Variants in ZNF26 observed in about 807,000 individuals in gnomAD.
ZNF26 encodes the protein zinc finger protein 26, also known as epididymis luminal protein 179.
A neutral mutation model predicts 54.9 loss-of-function variants in ZNF26; 32 were observed. That is an observed-to-expected ratio of 0.58 (90% CI 0.44 to 0.78). ZNF26 has a LOEUF of 0.78. Ranked by LOEUF, ZNF26 falls within the 30% of genes least tolerant of loss-of-function variation. The probability of loss-of-function intolerance (pLI) is 0.00; values close to 1 mark genes in which losing one functional copy is unlikely to be tolerated. For synonymous variants in ZNF26, 221 were observed against 209.2 expected (o/e 1.06, Z -0.49); for missense variants, 524 against 634.0 (o/e 0.83, Z 1.86).
At position 132,986,548 on chromosome 12, in the gene ZNF26, G is replaced by C. The variant is rs1484296246; in HGVS notation, c.-293G>C. ...ACCAGCTAAACACTTCCGTCGGTCC[G>C]GGGCGTGGACGGGGCCAGATCAGCC... On this transcript the variant is annotated 5_prime_UTR_variant, in exon 1 of 4. Transcript: ENST00000328654. The C allele has an allele frequency of 1.9e-6, 1 of 528,298 alleles. No homozygotes were observed. The highest frequency in any genetic ancestry group is 3.4e-6 in the Non-Finnish European group (1 of 292,754). The allele number at this position is 528,298 out of a possible 1,614,324, so 32.7% of individuals were successfully genotyped here. A position where few individuals can be genotyped will look rare whatever the true frequency, so the allele number is the denominator to read the frequency against.
rs1223984920 is a variant in ZNF26, at chr12:133,012,042, A to G, written c.*561A>G. On this transcript the variant is annotated 3_prime_UTR_variant, in exon 4 of 4. Transcript: ENST00000328654. ...TTTTTTAATGTAACTTGTTCTATCT[A>G]TCTATATATATATTTGATAGTTTGT... 3.9e-5 allele frequency: 6 copies of G among 152,210 alleles called. No individual in the cohort carries two copies. Among genetic ancestry groups the G allele is most frequent in the African/African-American group, 9.6e-5 (4 of 41,452 alleles). 9.4% of individuals were successfully genotyped at this position (152,210 alleles called of 1,614,324 possible).
In ZNF26 at chr12:133,001,800, G is replaced by A. The variant is rs11830726; in HGVS notation, c.34-5242G>A. The A allele has an allele frequency of 4.7e-3, 4,216 of 894,772 alleles. 121 individuals are homozygous for A. In the African/African-American group the frequency reaches 0.064, roughly 14 times the overall value. The allele number at this position is 894,772 out of a possible 1,614,324, so 55.4% of individuals were successfully genotyped here. A position where few individuals can be genotyped will look rare whatever the true frequency, so the allele number is the denominator to read the frequency against. Reference sequence around the variant, plus strand: ...AACCCTCACTCCCCAGCTGCCTTTTGAGAGTCCCGCGGCAGTCTTTGCCTT... The same window carrying A: ...AACCCTCACTCCCCAGCTGCCTTTTAAGAGTCCCGCGGCAGTCTTTGCCTT... On this transcript the variant is annotated intron_variant, in intron 1 of 3. Coordinates refer to ENST00000328654, the MANE Select transcript of ZNF26 (RefSeq NM_019591.4). The surrounding 1 kb of genome is among the most constrained non-coding windows in gnomAD (Gnocchi z 4.7).
At position 133,010,495 on chromosome 12, in the gene ZNF26, A is replaced by G; in HGVS notation, c.616A>G (p.Lys206Glu). 3 of 1,613,826 alleles carry G rather than the reference A, an allele frequency of 1.9e-6. No homozygotes were observed. Among genetic ancestry groups the G allele is most frequent in the South Asian group, 1.1e-5 (1 of 91,046 alleles). Residue 206 changes from lysine (K) to glutamate (E), a missense_variant, in exon 4 of 4, where the codon AAA becomes GAA. Physicochemically the swap from Lys to Glu is moderately conservative, Grantham distance 56 (BLOSUM62 1). Transcript: ENST00000328654. ...AGGAGAGAGACCTTATGAATGCAGT[A>G]AATGTGAAAGAGCCTTCAGTGCCAA... is the stretch of plus-strand genomic sequence containing the variant. ...HTGERPYECS[K>E]CERAFSAKSN...
At chr12:132,990,572 C>T (rs1422805307) in intron 1 of ZNF26, among the ~76,000 whole-genome samples, 2 of 152,218 alleles carry the variant, frequency 1.3e-5, no homozygotes, top group African/African-American at 4.8e-5. Context: ...AGTTAGGATT[C>T]CCTCTGCCTT....
Position 133,012,240 on chromosome 12 carries a change from C to G in ZNF26, c.*759C>G, listed in dbSNP as rs763618469. The G allele has an allele frequency of 6.6e-6, 1 of 152,066 alleles. No individual in the cohort carries two copies. Among genetic ancestry groups the G allele is most frequent in the African/African-American group, 2.4e-5 (1 of 41,406 alleles). 9.4% of individuals were successfully genotyped at this position (152,066 alleles called of 1,614,324 possible). ...GTTGTCCATTGATTGACATGAGCAC[C>G]CCTGTTTTCTCTGGAGAAATACCTC... On this transcript the variant is annotated 3_prime_UTR_variant, in exon 4 of 4. Coordinates refer to ENST00000328654, the MANE Select transcript of ZNF26 (RefSeq NM_019591.4).
rs1455631180 is a variant in ZNF26, at chr12:133,014,149, T to G, written c.*2668T>G. On this transcript the variant is annotated 3_prime_UTR_variant, in exon 4 of 4. Coordinates refer to ENST00000328654, the MANE Select transcript of ZNF26 (RefSeq NM_019591.4). ...CATGCCCTGGGATGGGATTGCTCAT[T>G]TAGGAAAATATGTAGAATTCATAGA... 1 of 152,214 alleles carries G rather than the reference T, an allele frequency of 6.6e-6. No individual in the cohort carries two copies. Among genetic ancestry groups the G allele is most frequent in the African/African-American group, 2.4e-5 (1 of 41,444 alleles). The allele number at this position is 152,214 out of a possible 1,614,324, so 9.4% of individuals were successfully genotyped here. A position where few individuals can be genotyped will look rare whatever the true frequency, so the allele number is the denominator to read the frequency against.
At chr12:133,003,089 C>G (rs1953253392) in intron 1 of ZNF26, among the ~76,000 whole-genome samples, 1 of 152,112 alleles carries the variant, frequency 6.6e-6, no homozygotes, top group Admixed American at 6.5e-5. Context: ...TGCAGGATGA[C>G]TGTTCCCAAA....
chr12:132,997,939 C>T (rs1377886329), intron 1 of ZNF26, among the ~76,000 whole-genome samples: 3 of 152,096 alleles, frequency 2.0e-5, no homozygotes, highest in East Asian at 3.9e-4. Flanking sequence ...ATTCAGTTAG[C>T]CCAAATTATA....
chr12:133,005,157 A>G (rs1953295870), intron 1 of ZNF26: 1 of 152,196 alleles, frequency 6.6e-6, no homozygotes, highest in Non-Finnish European at 1.5e-5. Context: ...ATATAAACCT[A>G]CATTGGTAAT....
intron 2 of ZNF26, 118 bp downstream of exon 2, chr12:133,007,286 G>A: frequency 7.2e-7 from 1 of 1,392,080 alleles, no homozygotes; most frequent in South Asian, 1.3e-5. Flanking sequence ...TTGAACTTTA[G>A]GGGTCAAATT....
chr12:133,015,478 G>T lies in ZNF26; in HGVS notation c.*3997G>T, dbSNP rs1276515096. 6.6e-6 allele frequency: 1 copy of T among 150,506 alleles called. No homozygotes were observed. Among genetic ancestry groups the T allele is most frequent in the Admixed American group, 6.6e-5 (1 of 15,058 alleles). The allele number at this position is 150,506 out of a possible 1,614,324, so 9.3% of individuals were successfully genotyped here. ...CCTCAATTATCAACTTGTGGCAAAAGAATAAGAAAGAGAACTAAAAAATGA... is the reference window on the plus strand; with the variant it reads ...CCTCAATTATCAACTTGTGGCAAAATAATAAGAAAGAGAACTAAAAAATGA... On this transcript the variant is annotated 3_prime_UTR_variant, in exon 4 of 4. Transcript: ENST00000328654.
At chr12:132,994,771 A>C (rs1953038897) in intron 1 of ZNF26, among the ~76,000 whole-genome samples, 1 of 152,226 alleles carries the variant, frequency 6.6e-6, no homozygotes, top group Non-Finnish European at 1.5e-5. Context: ...TTTGGTAGAC[A>C]TCAACTATCA....
rs923594750 is a variant in ZNF26, at chr12:133,016,889, T to C, written c.*5408T>C. On this transcript the variant is annotated 3_prime_UTR_variant, in exon 4 of 4. Coordinates refer to ENST00000328654, the MANE Select transcript of ZNF26 (RefSeq NM_019591.4). The stretch of plus-strand genomic sequence containing the variant: ...TAGTTGAAAGTCTGATATTTTATCA[T>C]TGAGTTGCCCTTTTCCAATTTTACA... 10 of 152,306 alleles carry C rather than the reference T, an allele frequency of 6.6e-5. No individual in the cohort carries two copies. The East Asian group carries it at 1.2e-3, about 18-fold the overall frequency. The allele number at this position is 152,306 out of a possible 1,614,324, so 9.4% of individuals were successfully genotyped here.
rs957964652 is a variant in ZNF26, at chr12:133,010,242, T to C, written c.363T>C (p.Asp121=). Residue 121 remains aspartate, a synonymous_variant, in exon 4 of 4, where the codon GAT becomes GAC. Transcript: ENST00000328654. ...GACTTAATCTGAGCAAAACCCATGA[T>C]TCTTCAAGACAGAGACTCTATAACA... is the stretch of plus-strand genomic sequence containing the variant. ...LGRLNLSKTH[D]SSRQRLYNTR... 4.7e-4 allele frequency: 755 copies of C among 1,614,082 alleles called. No individual in the cohort carries two copies. The highest frequency in any genetic ancestry group is 1.8e-3 in the Middle Eastern group (11 of 6,062).
At chr12:132,989,028 ATTTTTTT>A (rs150395603) in intron 1 of ZNF26, among the ~76,000 whole-genome samples, 14 of 78,848 alleles carry the variant, frequency 1.8e-4, no homozygotes, top group Middle Eastern at 0.014. Context: ...CTTTCGGTGA[ATTTTTTT>A]TTTTTTTTTT....
intron 1 of ZNF26, among the ~76,000 whole-genome samples, chr12:132,998,725 A>G (rs1295055476): frequency 6.6e-6 from 1 of 152,176 alleles, no homozygotes; most frequent in African/African-American, 2.4e-5. Flanking sequence ...TATAAATCCA[A>G]CCTAAATTTC....
In ZNF26 at chr12:133,016,069, ATT is replaced by A. The variant is rs11366507; in HGVS notation, c.*4608_*4609del. On this transcript the variant is annotated 3_prime_UTR_variant, in exon 4 of 4. Coordinates refer to ENST00000328654, the MANE Select transcript of ZNF26 (RefSeq NM_019591.4). ...TTTATTGTGAAAAAGTGTAGGGGTAATTTTTTTTTTTTTTTTTTTTTGAGACA... is the reference window on the plus strand; with the variant it reads ...TTTATTGTGAAAAAGTGTAGGGGTAATTTTTTTTTTTTTTTTTTTGAGACA... 1,293 of 117,842 alleles carry A rather than the reference ATT, an allele frequency of 0.011. 10 individuals carry two copies. The highest frequency in any genetic ancestry group is 0.034 in the African/African-American group (1,043 of 30,322). The allele number at this position is 117,842 out of a possible 1,614,324, so 7.3% of individuals were successfully genotyped here.
At chr12:133,009,417 C>T (rs1462372681) in intron 3 of ZNF26, among the ~76,000 whole-genome samples, 3 of 152,056 alleles carry the variant, frequency 2.0e-5, no homozygotes, top group African/African-American at 4.8e-5. Flanking sequence ...ACAAGTGAAA[C>T]CCCATCTCTA....
Position 133,012,384 on chromosome 12 carries a change from A to G in ZNF26, c.*903A>G, listed in dbSNP as rs1953497086. 6.6e-6 allele frequency: 1 copy of G among 152,058 alleles called. No individual in the cohort carries two copies. The highest frequency in any genetic ancestry group is 2.1e-4 in the South Asian group (1 of 4,832). 9.4% of individuals were successfully genotyped at this position (152,058 alleles called of 1,614,324 possible). A position where few individuals can be genotyped will look rare whatever the true frequency, so the allele number is the denominator to read the frequency against. Reference sequence around the variant, plus strand: ...CTCTTTTTCAGAATTTTGAGTCTGTAATTCATTTGTACATGAACCAGAAAA... The same window carrying G: ...CTCTTTTTCAGAATTTTGAGTCTGTGATTCATTTGTACATGAACCAGAAAA... On this transcript the variant is annotated 3_prime_UTR_variant, in exon 4 of 4. Transcript: ENST00000328654.
Sources: allele counts gnomAD v4.1 joint callset (sites outside exome capture counted in the v4.1 genomes callset), GRCh38; gene constraint gnomAD v4.1.1; non-coding constraint Gnocchi (gnomAD v3.1); transcripts MANE v1.5; gene names NCBI Gene and HGNC (gene_info 2026-07-23, HGNC 2026-07-21).